Variants in RAP2A observed in about 807,000 individuals in gnomAD.
The protein encoded by RAP2A is RAP2A, member of RAS oncogene family, also known as ras-related protein Rap-2a.
Under a neutral mutation model 15.1 loss-of-function variants are expected in RAP2A, and 5 were observed. That is an observed-to-expected ratio of 0.33 (90% CI 0.17 to 0.70). RAP2A has a LOEUF of 0.70. Among genes scored for constraint, RAP2A ranks in the 30% least tolerant of loss-of-function variants. RAP2A has a pLI of 0.68. For missense variants in RAP2A, 111 were observed against 240.3 expected, an observed-to-expected ratio of 0.46 and a Z score of 3.56; for synonymous variants, 110 against 99.7, an observed-to-expected ratio of 1.10 and a Z score of -0.62.
intron 1 of RAP2A, among the ~76,000 whole-genome samples, chr13:97,452,707 A>G (rs931567078): frequency 2.0e-5 from 3 of 151,136 alleles, no homozygotes; most frequent in African/African-American, 7.3e-5. Context: ...TTGGGATTGC[A>G]TAGAATCCAT....
chr13:97,444,794 C>G (rs1166268993), intron 1 of RAP2A, among the ~76,000 whole-genome samples: 1 of 152,126 alleles, frequency 6.6e-6, no homozygotes, highest in African/African-American at 2.4e-5. Context: ...TATGGAAATT[C>G]AGAATTTTGT....
rs1021794108 is a variant in RAP2A, at chr13:97,465,363, A to G, written c.*921A>G. On this transcript the variant is annotated 3_prime_UTR_variant, in exon 2 of 2. Transcript: ENST00000245304. ...CATCCACATGTTCCCGTTTGCAGAAACCTCACAGGACAGTACGAATATCTG... is the reference window on the plus strand; with the variant it reads ...CATCCACATGTTCCCGTTTGCAGAAGCCTCACAGGACAGTACGAATATCTG... 6.6e-6 allele frequency: 1 copy of G among 152,624 alleles called. No individual in the cohort carries two copies. Among genetic ancestry groups the G allele is most frequent in the African/African-American group, 2.4e-5 (1 of 41,442 alleles). 9.5% of individuals were successfully genotyped at this position (152,624 alleles called of 1,614,324 possible).
At chr13:97,451,061 A>G (rs2066700406) in intron 1 of RAP2A, among the ~76,000 whole-genome samples, 1 of 152,188 alleles carries the variant, frequency 6.6e-6, no homozygotes, top group Non-Finnish European at 1.5e-5. Context: ...ATTGTACAGA[A>G]GTTTAAAATT....
At chr13:97,446,830 C>T (rs963794503) in intron 1 of RAP2A, among the ~76,000 whole-genome samples, 1 of 152,186 alleles carries the variant, frequency 6.6e-6, no homozygotes, top group African/African-American at 2.4e-5. Flanking sequence ...AACTAAAGAC[C>T]TCTGAGTGGC....
Position 97,469,001 on chromosome 13 carries a change from ATTTAAAAT to A in RAP2A, c.*4560_*4567del, listed in dbSNP as rs2066784178. ...AAGAAGCTGTTGACCTCGTTTCTTA[ATTTAAAAT>A]ATGTTGCCACATAAATACTAATAAA... On this transcript the variant is annotated 3_prime_UTR_variant, in exon 2 of 2. Coordinates refer to ENST00000245304, the MANE Select transcript of RAP2A (RefSeq NM_021033.7). 6.6e-6 allele frequency: 1 copy of A among 152,250 alleles called. No individual in the cohort carries two copies. Among genetic ancestry groups the A allele is most frequent in the Admixed American group, 6.5e-5 (1 of 15,292 alleles). 9.4% of individuals were successfully genotyped at this position (152,250 alleles called of 1,614,324 possible).
At chr13:97,454,362 A>AT (rs1434521767) in intron 1 of RAP2A, among the ~76,000 whole-genome samples, 2 of 150,344 alleles carry the variant, frequency 1.3e-5, no homozygotes, top group Non-Finnish European at 3.0e-5. Flanking sequence ...CTTGTTTTCA[A>AT]TTTTTTCACC....
intron 1 of RAP2A, among the ~76,000 whole-genome samples, chr13:97,448,238 G>A (rs2066687678): frequency 6.6e-6 from 1 of 152,166 alleles, no homozygotes; most frequent in African/African-American, 2.4e-5. Flanking sequence ...AGGAATGGAA[G>A]CCAGAGATAG....
chr13:97,441,128 C>T (rs1375673538), intron 1 of RAP2A, among the ~76,000 whole-genome samples: 1 of 152,124 alleles, frequency 6.6e-6, no homozygotes, highest in African/African-American at 2.4e-5. Flanking sequence ...GTCTCTTCCT[C>T]TCTAACATTC....
intron 1 of RAP2A, chr13:97,437,301 A>G (rs1173651332): frequency 1.3e-5 from 2 of 152,202 alleles, no homozygotes; most frequent in Non-Finnish European, 2.9e-5. Context: ...AACAAGTCAC[A>G]TTTCAAGTGC....
At chr13:97,454,951 T>C (rs768983639) in intron 1 of RAP2A, among the ~76,000 whole-genome samples, 17 of 151,378 alleles carry the variant, frequency 1.1e-4, no homozygotes, top group Non-Finnish European at 2.4e-4. Context: ...TACTGTCTTC[T>C]GGCATCTGTG....
At chr13:97,461,553 G>C (rs750986981) in intron 1 of RAP2A, among the ~76,000 whole-genome samples, 19 of 152,236 alleles carry the variant, frequency 1.2e-4, no homozygotes, top group African/African-American at 4.6e-4. Context: ...TCAAATTCTT[G>C]ATTTTAATAA....
In RAP2A at chr13:97,465,982, T is replaced by TA. The variant is rs774007147; in HGVS notation, c.*1541dup. 2 of 152,180 alleles carry TA rather than the reference T, an allele frequency of 1.3e-5. No homozygotes were observed. The highest frequency in any genetic ancestry group is 2.9e-5 in the Non-Finnish European group (2 of 68,038). The allele number at this position is 152,180 out of a possible 1,614,324, so 9.4% of individuals were successfully genotyped here. The stretch of plus-strand genomic sequence containing the variant: ...GTCTTGTGCAAGTAACCTCTGGTCT[T>TA]ACGTGTGTAACTGAGAGAAGAGTGT... On this transcript the variant is annotated 3_prime_UTR_variant, in exon 2 of 2. Transcript: ENST00000245304.
chr13:97,442,269 C>A (rs930341691), intron 1 of RAP2A, among the ~76,000 whole-genome samples: 6 of 151,956 alleles, frequency 3.9e-5, no homozygotes, highest in Admixed American at 3.9e-4. Context: ...GTATTAAATT[C>A]TTTCTCTGGC....
intron 1 of RAP2A, among the ~76,000 whole-genome samples, chr13:97,458,063 G>T (rs986481161): frequency 6.6e-6 from 1 of 152,104 alleles, no homozygotes; most frequent in South Asian, 2.1e-4. Context: ...TTGCCTGTAG[G>T]TATGAGTTCC....
chr13:97,455,052 T>C (rs182177426), intron 1 of RAP2A, among the ~76,000 whole-genome samples: 61 of 151,518 alleles, frequency 4.0e-4, no homozygotes, highest in African/African-American at 1.4e-3. Context: ...TCTTTGTCTG[T>C]AGTTTCAAAT....
At chr13:97,437,108 C>A (rs2066637382) in intron 1 of RAP2A, among the ~76,000 whole-genome samples, 1 of 152,058 alleles carries the variant, frequency 6.6e-6, no homozygotes, top group African/African-American at 2.4e-5. Context: ...TTCCTAGTAG[C>A]TGATTTTTTA....
intron 1 of RAP2A, among the ~76,000 whole-genome samples, chr13:97,454,510 CT>C (rs1390267959): frequency 2.0e-5 from 3 of 151,104 alleles, no homozygotes; most frequent in Admixed American, 2.0e-4. Flanking sequence ...TCACAGTCTA[CT>C]TAGAGTTTGT....
intron 1 of RAP2A, among the ~76,000 whole-genome samples, chr13:97,436,935 T>TG (rs1204313195): frequency 6.6e-6 from 1 of 152,234 alleles, no homozygotes; most frequent in Admixed American, 6.5e-5. Flanking sequence ...CCCCAGCGTC[T>TG]GGCTTCCCAT....
intron 1 of RAP2A, among the ~76,000 whole-genome samples, chr13:97,452,195 C>G (rs1220083731): frequency 2.0e-5 from 3 of 150,954 alleles, no homozygotes; most frequent in Non-Finnish European, 4.4e-5. Flanking sequence ...TTTAATATAT[C>G]TTTTTCTACC....
Sources: gnomAD v4.1 joint callset for allele counts (sites outside exome capture counted in the v4.1 genomes callset) on GRCh38, gnomAD v4.1.1 for gene constraint, MANE v1.5 for transcripts, NCBI Gene and HGNC (gene_info 2026-07-23, HGNC 2026-07-21) for gene names.